The following CELF2 variants were observed in gnomAD, a reference collection of about 807,000 sequenced individuals.
CELF2 encodes CUG triplet repeat RNA-binding protein 2.
A neutral mutation model predicts 62.6 loss-of-function variants in CELF2; 8 were observed. The observed-to-expected ratio is 0.13, with a 90% CI of 0.07 to 0.23. The LOEUF (loss-of-function observed/expected upper bound fraction) is 0.23. Ranked by LOEUF, CELF2 falls within the 10% of genes least tolerant of loss-of-function variation. CELF2 has a pLI of 1.00. For synonymous variants in CELF2, 258 were observed against 250.0 expected, an observed-to-expected ratio of 1.03 and a Z score of -0.30; for missense variants, 333 against 671.0, an observed-to-expected ratio of 0.50 and a Z score of 5.56.
intron 7 of CELF2, among the ~76,000 whole-genome samples, chr10:11,274,677 C>T (rs1043591660): frequency 2.0e-5 from 3 of 152,032 alleles, no homozygotes; most frequent in South Asian, 2.1e-4. Context: ...GAAAGCTGAA[C>T]GGTGCTGGAA....
At chr10:10,476,905 AT>A in the CELF2 span, among the ~76,000 whole-genome samples, 1 of 152,136 alleles carries the variant, frequency 6.6e-6, no homozygotes, top group African/African-American at 2.4e-5. Context: ...TGAATGGTTC[AT>A]TTGGTGACTA....
At chr10:10,504,776 T>G in the CELF2 span, among the ~76,000 whole-genome samples, 1 of 152,162 alleles carries the variant, frequency 6.6e-6, no homozygotes, top group Non-Finnish European at 1.5e-5. Flanking sequence ...ATTCTATATT[T>G]CAGTTCACTG....
At chr10:10,614,851 T>C in the CELF2 span, among the ~76,000 whole-genome samples, 8 of 152,090 alleles carry the variant, frequency 5.3e-5, no homozygotes, top group Admixed American at 3.9e-4. Flanking sequence ...GAAGAATCTG[T>C]TCTTCAGGAA....
At chr10:10,732,251 C>A in the CELF2 span, among the ~76,000 whole-genome samples, 1 of 152,162 alleles carries the variant, frequency 6.6e-6, no homozygotes, top group Admixed American at 6.5e-5. Context: ...TAAAAAAACA[C>A]ACCCCTAGGC....
chr10:11,213,627 G>A (rs372297941), intron 2 of CELF2, among the ~76,000 whole-genome samples: 2 of 152,104 alleles, frequency 1.3e-5, no homozygotes, highest in African/African-American at 4.8e-5. Context: ...AGTGATAGGT[G>A]GATAAAAAGA....
intron 2 of CELF2, among the ~76,000 whole-genome samples, chr10:10,953,861 C>G (rs543637675): frequency 6.6e-6 from 1 of 151,606 alleles, no homozygotes; most frequent in East Asian, 1.9e-4. Flanking sequence ...TTTGTAATTC[C>G]TCTATTTCAT....
At chr10:11,235,450 A>G (rs2070840531) in intron 3 of CELF2, among the ~76,000 whole-genome samples, 1 of 152,260 alleles carries the variant, frequency 6.6e-6, no homozygotes, top group South Asian at 2.1e-4. Flanking sequence ...GAAGATAAGC[A>G]TATTTATAGA....
rs759524110 is a variant in CELF2, at chr10:10,814,214, TAAAAAAA to T, written c.53+15417_53+15423del. Among the ~76,000 whole-genome samples, 3 of 44,432 alleles carry T rather than the reference TAAAAAAA, an allele frequency of 6.8e-5. No homozygotes were observed. In the East Asian group the frequency reaches 1.9e-3, roughly 28 times the overall value. The allele number at this position is 44,432 out of a possible 152,430, so 29.1% of individuals were successfully genotyped here. On this transcript the variant is annotated intron_variant, in intron 1 of 13. Transcript: ENST00000636488. Reference sequence around the variant, plus strand: ...AAGGAAGAAAGGGAAAGAAGAGTCCTAAAAAAAAAAAAAAAAAAAAAAAAAAGCTGCT... The same window carrying T: ...AAGGAAGAAAGGGAAAGAAGAGTCCTAAAAAAAAAAAAAAAAAAAGCTGCT...
chr10:11,012,562 C>T lies in CELF2; in HGVS notation c.53+7122C>T, dbSNP rs758704943. Among the ~76,000 whole-genome samples, 12 of 152,170 alleles carry T rather than the reference C, an allele frequency of 7.9e-5. No individual in the cohort carries two copies. Among genetic ancestry groups the T allele is most frequent in the African/African-American group, 2.4e-4 (10 of 41,436 alleles). On this transcript the variant is annotated intron_variant, in intron 1 of 12. Transcript: ENST00000416382. This position sits in a 1 kb window ranked among gnomAD's most constrained non-coding sequence, Gnocchi z 5.5. Reference sequence around the variant, plus strand: ...TCACCCCACCTGTTGCTGCCTTCTCCGGGACCGAATGTTACGCCTGCAACT... The same window carrying T: ...TCACCCCACCTGTTGCTGCCTTCTCTGGGACCGAATGTTACGCCTGCAACT...
intron 2 of CELF2, among the ~76,000 whole-genome samples, chr10:11,195,443 C>T (rs1347994137): frequency 6.6e-6 from 1 of 152,214 alleles, no homozygotes; most frequent in African/African-American, 2.4e-5. Flanking sequence ...TTTCTTTCAT[C>T]CCTTGCTAGT....
intron 1 of CELF2, among the ~76,000 whole-genome samples, chr10:11,125,243 G>A (rs923835456): frequency 3.9e-5 from 6 of 152,126 alleles, no homozygotes; most frequent in Non-Finnish European, 2.9e-5. Context: ...ACTCTCCAGC[G>A]GTCTTACACC....
In CELF2 at chr10:11,211,840, G is replaced by GTGTGTT. The variant is rs2061936530; in HGVS notation, c.272-5580_272-5579insTTGTGT. 6.6e-6 allele frequency among the ~76,000 whole-genome samples: 1 copy of GTGTGTT among 151,366 alleles called. No homozygotes were observed. The highest frequency in any genetic ancestry group is 1.5e-5 in the Non-Finnish European group (1 of 67,904). On this transcript the variant is annotated intron_variant, in intron 2 of 12. Transcript: ENST00000633077. This position sits in a 1 kb window ranked among gnomAD's most constrained non-coding sequence, Gnocchi z 4.8. ...TGTGTGTGTGTGTGTGTGTGTGTGTGTGTGTGTGTGTGTGTAACTACCATT... is the reference window on the plus strand; with the variant it reads ...TGTGTGTGTGTGTGTGTGTGTGTGTGTGTGTTTGTGTGTGTGTGTGTAACTACCATT...
chr10:10,960,632 T>C (rs1050042201), intron 2 of CELF2, among the ~76,000 whole-genome samples: 3 of 152,248 alleles, frequency 2.0e-5, no homozygotes, highest in African/African-American at 7.2e-5. Context: ...AAATTGGTAA[T>C]GCATACCCAG....
chr10:11,193,435 T>C (rs2056566823), intron 2 of CELF2, among the ~76,000 whole-genome samples: 1 of 152,252 alleles, frequency 6.6e-6, no homozygotes, highest in South Asian at 2.1e-4. Flanking sequence ...TACATTTAAA[T>C]GAGTACAGAA....
At chr10:10,730,246 G>A in the CELF2 span, among the ~76,000 whole-genome samples, 98 of 152,312 alleles carry the variant, frequency 6.4e-4, 1 homozygote, top group African/African-American at 2.2e-3. Context: ...GGAGGCCAAA[G>A]TAGGTGGATC....
At chr10:11,293,523 C>G (rs1169324093) in intron 9 of CELF2, among the ~76,000 whole-genome samples, 1 of 152,180 alleles carries the variant, frequency 6.6e-6, no homozygotes, top group Admixed American at 6.5e-5. Context: ...GAGGAGCTGT[C>G]GGGCTGCTTG....
At chr10:10,828,190 A>C (rs1409989829) in intron 1 of CELF2, among the ~76,000 whole-genome samples, 2 of 152,160 alleles carry the variant, frequency 1.3e-5, no homozygotes, top group Non-Finnish European at 2.9e-5. Context: ...GCTGGTTCTC[A>C]AAGAGGTGTT....
chr10:10,961,672 A>G (rs2049518329), intron 2 of CELF2, among the ~76,000 whole-genome samples: 1 of 152,006 alleles, frequency 6.6e-6, no homozygotes, highest in South Asian at 2.1e-4. Flanking sequence ...CTTGAGCCCA[A>G]GAGACGGGGC....
At chr10:11,093,831 T>C (rs2049016245) in intron 1 of CELF2, among the ~76,000 whole-genome samples, 1 of 152,242 alleles carries the variant, frequency 6.6e-6, no homozygotes, top group Non-Finnish European at 1.5e-5. Flanking sequence ...AATGACTGAC[T>C]AATAAGGTCA....
Sources: allele counts gnomAD v4.1 joint callset (sites outside exome capture counted in the v4.1 genomes callset), GRCh38; gene constraint gnomAD v4.1.1; non-coding constraint Gnocchi (gnomAD v3.1); transcripts MANE v1.5; gene names NCBI Gene and HGNC (gene_info 2026-07-23, HGNC 2026-07-21).